The following MIPOL1 variants were observed in gnomAD, a reference collection of about 807,000 sequenced individuals.
MIPOL1 encodes the protein mirror-image polydactyly 1.
A neutral mutation model predicts 60.9 loss-of-function variants in MIPOL1; 57 were observed. The ratio of observed to expected loss-of-function variants is 0.94; its 90% CI spans 0.76 to 1.17. The LOEUF is 1.17. MIPOL1 is among the 50% of genes most tolerant of loss of function. The pLI, the probability that MIPOL1 is intolerant of heterozygous loss-of-function variation, is 0.00. For missense variants in MIPOL1, 551 were observed against 511.6 expected (o/e 1.08, Z -0.74); for synonymous variants, 179 against 168.8 (o/e 1.06, Z -0.47).
At chr14:37,223,221 T>C (rs1969119404) in intron 1 of MIPOL1, among the ~76,000 whole-genome samples, 1 of 151,848 alleles carries the variant, frequency 6.6e-6, no homozygotes, top group Non-Finnish European at 1.5e-5. Context: ...TTTGTAGACC[T>C]GGGGTTTTAC....
At chr14:37,328,104 C>T (rs923700252) in intron 9 of MIPOL1, among the ~76,000 whole-genome samples, 1 of 152,070 alleles carries the variant, frequency 6.6e-6, no homozygotes, top group Admixed American at 6.5e-5. Context: ...CCTCCACCCC[C>T]CAAGTTCAAT....
intron 7 of MIPOL1, 89 bp from the exon 8 acceptor site, chr14:37,307,967 C>A: frequency 9.6e-7 from 1 of 1,045,302 alleles, no homozygotes; most frequent in Non-Finnish European, 1.4e-6. Flanking sequence ...AATGAAATTA[C>A]TTGAGGTTCT....
chr14:37,542,370 T>C (rs1386032785), intron 12 of MIPOL1, among the ~76,000 whole-genome samples: 1 of 152,124 alleles, frequency 6.6e-6, no homozygotes, highest in Admixed American at 6.5e-5. Flanking sequence ...TTCTTCTCTC[T>C]CTAAACATTT....
chr14:37,358,065 C>T (rs1182776427), intron 9 of MIPOL1, among the ~76,000 whole-genome samples: 2 of 151,892 alleles, frequency 1.3e-5, no homozygotes, highest in Non-Finnish European at 2.9e-5. Context: ...TTTCAATTCC[C>T]ATCTGTGAGT....
chr14:37,289,917 G>T (rs886352168), intron 7 of MIPOL1, among the ~76,000 whole-genome samples: 2 of 152,158 alleles, frequency 1.3e-5, no homozygotes, highest in Non-Finnish European at 2.9e-5. Context: ...TCACTTTGGA[G>T]ATTCCCTGTA....
intron 7 of MIPOL1, among the ~76,000 whole-genome samples, chr14:37,298,367 A>G (rs532631683): frequency 2.6e-5 from 4 of 152,140 alleles, no homozygotes; most frequent in Non-Finnish European, 4.4e-5. Flanking sequence ...AACCTAGGCA[A>G]TACCATTCAG....
intron 3 of MIPOL1, among the ~76,000 whole-genome samples, chr14:37,256,853 A>G (rs1333354511): frequency 6.6e-6 from 1 of 151,846 alleles, no homozygotes; most frequent in Non-Finnish European, 1.5e-5. Context: ...CCCTCCCCCA[A>G]GTCATTTGAA....
intron 11 of MIPOL1, among the ~76,000 whole-genome samples, chr14:37,480,380 C>T (rs1324154764): frequency 6.6e-6 from 1 of 151,974 alleles, no homozygotes; most frequent in Non-Finnish European, 1.5e-5. Context: ...TCTTGGGATG[C>T]AAGGATGGTG....
At chr14:37,422,777 C>T in intron 10 of MIPOL1, 78 bp from the exon 11 acceptor site, 1 of 865,722 alleles carries the variant, frequency 1.2e-6, no homozygotes, top group Non-Finnish European at 1.8e-6. Flanking sequence ...TAATTTAAGA[C>T]TACTGTTCTT....
chr14:37,285,018 G>A (rs1185965994), intron 6 of MIPOL1, among the ~76,000 whole-genome samples: 3 of 152,180 alleles, frequency 2.0e-5, no homozygotes, highest in Non-Finnish European at 4.4e-5. Flanking sequence ...GATGGTTGTA[G>A]AAATATATCT....
intron 11 of MIPOL1, among the ~76,000 whole-genome samples, chr14:37,463,762 C>A (rs1468655907): frequency 6.6e-6 from 1 of 152,070 alleles, no homozygotes; most frequent in Non-Finnish European, 1.5e-5. Context: ...ACAAATGGGA[C>A]TCAATTAAAC....
At chr14:37,200,933 A>C (rs1965233614) in intron 1 of MIPOL1, among the ~76,000 whole-genome samples, 1 of 115,908 alleles carries the variant, frequency 8.6e-6, no homozygotes, top group African/African-American at 3.4e-5. Flanking sequence ...GACAAGGTGT[A>C]CCTCTGTCAC....
chr14:37,314,602 C>T (rs1214635103), intron 9 of MIPOL1, among the ~76,000 whole-genome samples: 1 of 152,100 alleles, frequency 6.6e-6, no homozygotes, highest in Non-Finnish European at 1.5e-5. Context: ...AATATCATCT[C>T]TTCTGTAAAG....
At chr14:37,318,980 A>G (rs1378497821) in intron 9 of MIPOL1, among the ~76,000 whole-genome samples, 1 of 152,038 alleles carries the variant, frequency 6.6e-6, no homozygotes, top group East Asian at 1.9e-4. Context: ...CTGGGACAAC[A>G]GGCACACACT....
chr14:37,493,550 G>A (rs2095075994), intron 11 of MIPOL1, among the ~76,000 whole-genome samples: 1 of 152,046 alleles, frequency 6.6e-6, no homozygotes, highest in Non-Finnish European at 1.5e-5. Flanking sequence ...GACTCAATGT[G>A]GTGAGCAACA....
chr14:37,545,653 T>C, intron 12 of MIPOL1: 1 of 649,670 alleles, frequency 1.5e-6, no homozygotes, highest in Non-Finnish European at 2.8e-6. Context: ...TTTTCCTGTT[T>C]TTTGTTAACA....
chr14:37,281,663 C>T (rs2084119195), intron 6 of MIPOL1, among the ~76,000 whole-genome samples: 1 of 152,142 alleles, frequency 6.6e-6, no homozygotes, highest in Non-Finnish European at 1.5e-5. Flanking sequence ...CCTTGGCCTC[C>T]CAAAGGGCTG....
chr14:37,348,952 G>A lies in MIPOL1; in HGVS notation c.829-20565G>A, dbSNP rs1395592153. 2.8e-5 allele frequency among the ~76,000 whole-genome samples: 4 copies of A among 141,212 alleles called. No homozygotes were observed. The East Asian group carries it at 6.3e-4, about 22-fold the overall frequency. 92.6% of individuals were successfully genotyped at this position (141,212 alleles called of 152,430 possible). A position where few individuals can be genotyped will look rare whatever the true frequency, so the allele number is the denominator to read the frequency against. On this transcript the variant is annotated intron_variant, in intron 9 of 12. Coordinates refer to ENST00000684589, the MANE Select transcript of MIPOL1 (RefSeq NM_001388067.1). ...CAAGGGATTCTCCTGCTTTAGCCTC[G>A]TACAGGCGGTGCCACCATGCCCAGC...
chr14:37,271,233 A>G (rs749016474), intron 6 of MIPOL1, among the ~76,000 whole-genome samples: 2 of 152,052 alleles, frequency 1.3e-5, no homozygotes, highest in Non-Finnish European at 2.9e-5. Flanking sequence ...TATCTCTCAC[A>G]TTGTTTTAGT....
Sources: allele counts gnomAD v4.1 joint callset (sites outside exome capture counted in the v4.1 genomes callset), GRCh38; gene constraint gnomAD v4.1.1; transcripts MANE v1.5; gene names NCBI Gene and HGNC (gene_info 2026-07-23, HGNC 2026-07-21).